SNX31: variants seen among roughly 807,000 people sequenced by gnomAD.
The protein encoded by SNX31 is sorting nexin-31.
In SNX31, 58 loss-of-function variants were observed where a neutral mutation model predicts 65.4. That is an observed-to-expected ratio of 0.89 (90% confidence interval 0.72 to 1.10). The LOEUF (loss-of-function observed/expected upper bound fraction) is 1.10, where lower values mean the gene tolerates loss of function less well. SNX31 is among the 50% of genes least tolerant of loss of function. SNX31 has a pLI of 0.00. For missense variants in SNX31, 523 were observed against 529.7 expected (o/e 0.99, Z 0.12); for synonymous variants, 181 against 190.1 (o/e 0.95, Z 0.39).
Position 100,608,569 on chromosome 8 carries a change from A to T in SNX31, c.612-6T>A, listed in dbSNP as rs765721405. On this transcript the variant is annotated splice_polypyrimidine_tract_variant and splice_region_variant and intron_variant, in intron 7 of 13. Transcript: ENST00000311812. Reference sequence around the variant, plus strand: ...CGAGGGATGGAGCCATATACCTGCAAAATTCAGGAGTGTGAAATTCATTCC... The same window carrying T: ...CGAGGGATGGAGCCATATACCTGCATAATTCAGGAGTGTGAAATTCATTCC... 2 of 1,613,652 alleles carry T rather than the reference A, an allele frequency of 1.2e-6. No individual in the cohort carries two copies. Among genetic ancestry groups the T allele is most frequent in the South Asian group, 2.2e-5 (2 of 91,058 alleles).
At chr8:100,582,979 C>G (rs1022429562) in intron 12 of SNX31, among the ~76,000 whole-genome samples, 4 of 145,886 alleles carry the variant, frequency 2.7e-5, no homozygotes, top group African/African-American at 1.0e-4. Flanking sequence ...GAGACTCCAT[C>G]TAAAAAAAAA....
At chr8:100,606,538 C>T (rs1248717382) in intron 8 of SNX31, among the ~76,000 whole-genome samples, 2 of 152,134 alleles carry the variant, frequency 1.3e-5, no homozygotes, top group East Asian at 1.9e-4. Flanking sequence ...TCTTCTACGC[C>T]CTCTGGTAAG....
At chr8:100,637,581 C>T (rs1031152238) in intron 2 of SNX31, among the ~76,000 whole-genome samples, 2 of 152,250 alleles carry the variant, frequency 1.3e-5, no homozygotes, top group Non-Finnish European at 2.9e-5. Flanking sequence ...TGGTCCAAGT[C>T]ACTATCATCT....
At chr8:100,647,366 A>G (rs548594141) in intron 2 of SNX31, among the ~76,000 whole-genome samples, 2 of 152,356 alleles carry the variant, frequency 1.3e-5, no homozygotes, top group East Asian at 3.9e-4. Flanking sequence ...AGTAAATAAC[A>G]GACAATTTCT....
At chr8:100,605,586 G>C (rs1481570078) in intron 8 of SNX31, among the ~76,000 whole-genome samples, 1 of 152,194 alleles carries the variant, frequency 6.6e-6, no homozygotes, top group Non-Finnish European at 1.5e-5. Context: ...TCAACAGGGA[G>C]ATGTCGTGGT....
intron 11 of SNX31, among the ~76,000 whole-genome samples, chr8:100,584,473 T>C (rs1586852166): frequency 6.6e-6 from 1 of 152,282 alleles, no homozygotes; most frequent in Non-Finnish European, 1.5e-5. Flanking sequence ...CCCCCTTGCA[T>C]CCCATGTTTT....
Position 100,588,589 on chromosome 8 carries a change from A to T in SNX31, c.1092+277T>A, listed in dbSNP as rs947246028. ...ATCCTAAAATATTTACTATCCTTTAAGAAAAAGTCTATGGACTCCTGGTCT... is the reference window on the plus strand; with the variant it reads ...ATCCTAAAATATTTACTATCCTTTATGAAAAAGTCTATGGACTCCTGGTCT... On this transcript the variant is annotated intron_variant, in intron 11 of 13. Coordinates refer to ENST00000311812, the MANE Select transcript of SNX31 (RefSeq NM_152628.4). This position sits in a 1 kb window ranked among gnomAD's most constrained non-coding sequence, Gnocchi z 4.8. Among the ~76,000 whole-genome samples, 1 of 152,254 alleles carries T rather than the reference A, an allele frequency of 6.6e-6. No individual in the cohort carries two copies. The highest frequency in any genetic ancestry group is 2.4e-5 in the African/African-American group (1 of 41,476).
intron 7 of SNX31, 40 bp from the exon 8 acceptor site, chr8:100,608,603 G>A (rs1446572757): frequency 6.3e-7 from 1 of 1,596,226 alleles, no homozygotes; most frequent in Admixed American, 1.7e-5. Flanking sequence ...CCTGTGACAT[G>A]GCCCATGGGC....
In SNX31 at chr8:100,625,454, T is replaced by TC. The variant is rs112609867; in HGVS notation, c.321+4872dup. The stretch of plus-strand genomic sequence containing the variant: ...AGAATAGCAACAAAGCACACCGATC[T>TC]CCTTGAAAAATTAAAAGATTTCTCC... On this transcript the variant is annotated intron_variant, in intron 4 of 13. Transcript: ENST00000311812. This position sits in a 1 kb window ranked among gnomAD's most constrained non-coding sequence, Gnocchi z 4.2. Among the ~76,000 whole-genome samples the TC allele has an allele frequency of 2.6e-4, 40 of 152,200 alleles. 1 individual carries two copies. Among genetic ancestry groups the TC allele is most frequent in the African/African-American group, 9.6e-4 (40 of 41,536 alleles).
chr8:100,643,414 G>A (rs1819408526), intron 2 of SNX31, among the ~76,000 whole-genome samples: 1 of 152,056 alleles, frequency 6.6e-6, no homozygotes, highest in South Asian at 2.1e-4. Context: ...AAAGGTGTCT[G>A]TTTCTAATGT....
chr8:100,578,579 T>G lies in SNX31; in HGVS notation c.1171-1504A>C, dbSNP rs1394207782. On this transcript the variant is annotated intron_variant, in intron 12 of 13. Coordinates refer to ENST00000311812, the MANE Select transcript of SNX31 (RefSeq NM_152628.4). The surrounding 1 kb of genome is among the most constrained non-coding windows in gnomAD (Gnocchi z 4.7). ...AAAAGCATTACCTTTCAACTATGGT[T>G]AACTTTGTTGTAAAATCAATTGCTT... Among the ~76,000 whole-genome samples, 1 of 152,216 alleles carries G rather than the reference T, an allele frequency of 6.6e-6. No homozygotes were observed. The highest frequency in any genetic ancestry group is 1.5e-5 in the Non-Finnish European group (1 of 68,038).
chr8:100,633,218 C>A lies in SNX31; in HGVS notation c.256+2679G>T, dbSNP rs574649551. Among the ~76,000 whole-genome samples the A allele has an allele frequency of 4.6e-5, 7 of 152,034 alleles. No homozygotes were observed. The East Asian group carries it at 1.4e-3, about 29-fold the overall frequency. On this transcript the variant is annotated intron_variant, in intron 3 of 13. Transcript: ENST00000311812. ...TGCTGGAATTGCAGGCATGAGCTAC[C>A]ATGCCGAGCCTAATTGTTGGTGAAG...
chr8:100,595,515 G>T (rs4734465), intron 10 of SNX31, among the ~76,000 whole-genome samples: 1 of 152,060 alleles, frequency 6.6e-6, no homozygotes, highest in African/African-American at 2.4e-5. Flanking sequence ...TTGCCATGTT[G>T]CCTGGGCTGG....
chr8:100,601,614 A>C (rs1331799379), intron 8 of SNX31, among the ~76,000 whole-genome samples: 1 of 152,216 alleles, frequency 6.6e-6, no homozygotes, highest in Non-Finnish European at 1.5e-5. Context: ...TTATAAGATA[A>C]AAACTAATTT....
Position 100,648,809 on chromosome 8 carries a change from A to G in SNX31, c.141+465T>C, listed in dbSNP as rs912373062. Among the ~76,000 whole-genome samples the G allele has an allele frequency of 7.2e-5, 11 of 152,322 alleles. No individual in the cohort carries two copies. Among genetic ancestry groups the G allele is most frequent in the African/African-American group, 2.6e-4 (11 of 41,582 alleles). On this transcript the variant is annotated intron_variant, in intron 2 of 13. Coordinates refer to ENST00000311812, the MANE Select transcript of SNX31 (RefSeq NM_152628.4). This position sits in a 1 kb window ranked among gnomAD's most constrained non-coding sequence, Gnocchi z 4.3. ...AACAAAACTAGAGACACACCTTTTT[A>G]AAGGGGGCAAACTTAAGAAACTCTC...
At chr8:100,628,170 G>C (rs139191195) in intron 4 of SNX31, among the ~76,000 whole-genome samples, 6,653 of 152,202 alleles carry the variant, frequency 0.044, 228 homozygotes, top group Non-Finnish European at 0.062. Context: ...ACCATTGTGG[G>C]AGTCAGTGTG....
chr8:100,615,304 T>G (rs1817073153), intron 5 of SNX31, among the ~76,000 whole-genome samples: 1 of 152,198 alleles, frequency 6.6e-6, no homozygotes, highest in African/African-American at 2.4e-5. Flanking sequence ...CACAGAACCC[T>G]GGAGATACTG....
chr8:100,660,291 A>G lies in SNX31; in HGVS notation c.-58+2851T>C, dbSNP rs1336341538. Among the ~76,000 whole-genome samples the G allele has an allele frequency of 6.6e-6, 1 of 152,222 alleles. No individual in the cohort carries two copies. Among genetic ancestry groups the G allele is most frequent in the Non-Finnish European group, 1.5e-5 (1 of 68,038 alleles). ...TGCTGATTTTCAGATTAAAAAACTA[A>G]AGCAGAAAGAGGTGAGCTTGTCCCA... On this transcript the variant is annotated intron_variant, in intron 1 of 5. Coordinates refer to the SNX31 transcript ENST00000520352. This position sits in a 1 kb window ranked among gnomAD's most constrained non-coding sequence, Gnocchi z 4.1.
intron 1 of SNX31, among the ~76,000 whole-genome samples, chr8:100,662,767 C>T (rs1351201259): frequency 6.6e-6 from 1 of 152,068 alleles, no homozygotes; most frequent in Non-Finnish European, 1.5e-5. Context: ...TGTTTAAGTC[C>T]CCTCTACAAT....
Sources: gnomAD v4.1 joint callset for allele counts (sites outside exome capture counted in the v4.1 genomes callset) on GRCh38, gnomAD v4.1.1 for gene constraint, Gnocchi (gnomAD v3.1) non-coding constraint, MANE v1.5 for transcripts, NCBI Gene and HGNC (gene_info 2026-07-23, HGNC 2026-07-21) for gene names.